The following PLD1 variants were observed in gnomAD, a reference collection of about 807,000 sequenced individuals.
PLD1 encodes the protein phospholipase D1.
A neutral mutation model predicts 137.1 loss-of-function variants in PLD1; 112 were observed. The ratio of observed to expected loss-of-function variants is 0.82; its 90% CI spans 0.70 to 0.96. The LOEUF is 0.96. Among genes scored for constraint, PLD1 ranks in the 40% least tolerant of loss-of-function variants. The probability of loss-of-function intolerance (pLI) is 0.00; values close to 1 mark genes in which losing one functional copy is unlikely to be tolerated. For missense variants in PLD1, 1,321 were observed against 1,342.0 expected, an observed-to-expected ratio of 0.98 and a Z score of 0.24; for synonymous variants, 431 against 454.7, an observed-to-expected ratio of 0.95 and a Z score of 0.66.
At chr3:171,618,635 A>T (rs1291992776) in intron 24 of PLD1, among the ~76,000 whole-genome samples, 1 of 152,012 alleles carries the variant, frequency 6.6e-6, no homozygotes, top group African/African-American at 2.4e-5. Flanking sequence ...GAATAAATAA[A>T]CTCCTAAAGA....
rs1270523115 is a variant in PLD1, at chr3:171,646,148, G to C, written c.2430-1125C>G. ...AGAATCAAAAGCTATTAACGTTCTT[G>C]TCTCTATTTATAGGATATACAGGGA... On this transcript the variant is annotated intron_variant, in intron 21 of 26. Transcript: ENST00000351298. Among the ~76,000 whole-genome samples the C allele has an allele frequency of 3.9e-5, 6 of 152,106 alleles. No individual in the cohort carries two copies. The South Asian group carries it at 1.2e-3, about 32-fold the overall frequency.
At chr3:171,760,781 A>G (rs910248749) in intron 1 of PLD1, among the ~76,000 whole-genome samples, 1 of 152,230 alleles carries the variant, frequency 6.6e-6, no homozygotes. Context: ...AGAGAATCAC[A>G]TGCATGAGTT....
chr3:171,637,457 T>C (rs1166876620), intron 23 of PLD1, among the ~76,000 whole-genome samples: 3 of 152,066 alleles, frequency 2.0e-5, no homozygotes, highest in African/African-American at 4.8e-5. Context: ...ATGGTCTCGA[T>C]CTCTTGACCT....
chr3:171,639,152 GAA>G (rs1374764021), intron 23 of PLD1, among the ~76,000 whole-genome samples: 8 of 144,874 alleles, frequency 5.5e-5, no homozygotes, highest in African/African-American at 2.0e-4. Flanking sequence ...ATATATATAT[GAA>G]AGATAGATAT....
At chr3:171,661,799 A>T (rs1711530531) in intron 20 of PLD1, among the ~76,000 whole-genome samples, 1 of 152,188 alleles carries the variant, frequency 6.6e-6, no homozygotes. Context: ...ATACTATTAC[A>T]ATGAGTTGAT....
chr3:171,748,976 A>C (rs1720468005), intron 1 of PLD1, among the ~76,000 whole-genome samples: 1 of 151,706 alleles, frequency 6.6e-6, no homozygotes, highest in East Asian at 1.9e-4. Flanking sequence ...CAACAGTTGG[A>C]TTTGGGAATG....
intron 25 of PLD1, among the ~76,000 whole-genome samples, chr3:171,605,737 C>G (rs1361276961): frequency 6.6e-6 from 1 of 152,184 alleles, no homozygotes; most frequent in African/African-American, 2.4e-5. Flanking sequence ...CCACCTTAAT[C>G]CTGTGTGGTA....
chr3:171,698,448 A>G (rs1715950525), intron 12 of PLD1, among the ~76,000 whole-genome samples: 1 of 152,230 alleles, frequency 6.6e-6, no homozygotes, highest in South Asian at 2.1e-4. Context: ...CAATATTAGC[A>G]GTGAGGTCTG....
At chr3:171,722,994 A>T (rs1327254512) in intron 8 of PLD1, among the ~76,000 whole-genome samples, 1 of 152,182 alleles carries the variant, frequency 6.6e-6, no homozygotes, top group Non-Finnish European at 1.5e-5. Flanking sequence ...ATTATCCTTT[A>T]TGTTACAAAC....
rs1399339744 is a variant in PLD1, at chr3:171,695,142, T to C, written c.1228-2700A>G. ...AGGGCAAAGGCGAATGAATCATTCCTTGGGGATGAAGGCATTTTCCAGGTT... is the reference window on the plus strand; with the variant it reads ...AGGGCAAAGGCGAATGAATCATTCCCTGGGGATGAAGGCATTTTCCAGGTT... On this transcript the variant is annotated intron_variant, in intron 12 of 26. Transcript: ENST00000351298. Among the ~76,000 whole-genome samples, 3 of 152,202 alleles carry C rather than the reference T, an allele frequency of 2.0e-5. No individual in the cohort carries two copies. The South Asian group carries it at 6.2e-4, about 31-fold the overall frequency.
At position 171,614,815 on chromosome 3, in the gene PLD1, A is replaced by G. The variant is rs374974373; in HGVS notation, c.2729-2383T>C. On this transcript the variant is annotated intron_variant, in intron 24 of 26. Coordinates refer to ENST00000351298, the MANE Select transcript of PLD1 (RefSeq NM_002662.5). ...GAACCTGGGATGTGAGCCAGCCTGG[A>G]AAGCCCCCTCCGCACACACATTCTC... Among the ~76,000 whole-genome samples, 6 of 152,306 alleles carry G rather than the reference A, an allele frequency of 3.9e-5. No individual in the cohort carries two copies. The East Asian group carries it at 5.8e-4, about 15-fold the overall frequency.
chr3:171,784,668 A>G (rs1415373046), intron 1 of PLD1, among the ~76,000 whole-genome samples: 3 of 152,076 alleles, frequency 2.0e-5, no homozygotes, highest in African/African-American at 7.2e-5. Context: ...CAATCTTTCC[A>G]TAGACATCCT....
chr3:171,742,686 T>A (rs1463293567), intron 1 of PLD1, among the ~76,000 whole-genome samples: 1 of 152,204 alleles, frequency 6.6e-6, no homozygotes. Context: ...ATCCATAATA[T>A]ATAACCTATG....
chr3:171,620,357 T>C, intron 24 of PLD1, 29 bp downstream of exon 24: 1 of 1,486,298 alleles, frequency 6.7e-7, no homozygotes, highest in South Asian at 1.4e-5. Context: ...TGGCAAGGAA[T>C]ACAATTATAG....
chr3:171,786,219 A>G (rs186298901), intron 1 of PLD1, among the ~76,000 whole-genome samples: 2 of 152,342 alleles, frequency 1.3e-5, no homozygotes, highest in Admixed American at 6.5e-5. Flanking sequence ...GGAAATAGCA[A>G]TTTCTCAGAA....
chr3:171,792,764 C>T (rs1381041622), intron 1 of PLD1: 1 of 451,260 alleles, frequency 2.2e-6, no homozygotes, highest in East Asian at 7.0e-5. Flanking sequence ...TAGAGCCCCA[C>T]CCTCCCCCCA....
chr3:171,728,223 G>A (rs996689049), intron 6 of PLD1, among the ~76,000 whole-genome samples: 4 of 152,190 alleles, frequency 2.6e-5, no homozygotes, highest in African/African-American at 7.2e-5. Flanking sequence ...GGCTGAGGCA[G>A]GAGAATCACT....
intron 1 of PLD1, among the ~76,000 whole-genome samples, chr3:171,760,067 T>C: frequency 6.6e-6 from 1 of 151,922 alleles, no homozygotes; most frequent in East Asian, 1.9e-4. Flanking sequence ...TGAAAGGAGG[T>C]TTTAGTAGAA....
chr3:171,766,979 A>G (rs897691821), intron 1 of PLD1, among the ~76,000 whole-genome samples: 33 of 152,338 alleles, frequency 2.2e-4, no homozygotes, highest in African/African-American at 7.9e-4. Flanking sequence ...TTAAAAAAAT[A>G]TATGTCTCAT....
Sources: allele counts gnomAD v4.1 joint callset (sites outside exome capture counted in the v4.1 genomes callset), GRCh38; gene constraint gnomAD v4.1.1; transcripts MANE v1.5; gene names NCBI Gene and HGNC (gene_info 2026-07-23, HGNC 2026-07-21).